The following GABPA variants were observed in gnomAD, a reference collection of about 807,000 sequenced individuals.
The protein encoded by GABPA is GA binding protein transcription factor subunit alpha, also known as GA-binding protein alpha chain.
In GABPA, 4 loss-of-function variants were observed where a neutral mutation model predicts 59.4. That is an observed-to-expected ratio of 0.07 (90% CI 0.03 to 0.15). The LOEUF (loss-of-function observed/expected upper bound fraction) is 0.15, where lower values mean the gene tolerates loss of function less well. Ranked by LOEUF, GABPA falls within the 10% of genes least tolerant of loss-of-function variation. The probability of loss-of-function intolerance (pLI) is 1.00; values close to 1 mark genes in which losing one functional copy is unlikely to be tolerated. For missense variants in GABPA, 251 were observed against 543.8 expected (o/e 0.46, Z 5.36); for synonymous variants, 164 against 183.1 (o/e 0.90, Z 0.84).
At position 25,761,842 on chromosome 21, in the gene GABPA, C is replaced by T. The variant is rs559455324; in HGVS notation, c.749-470C>T. ...TACAATTGTGTTGAAAATTTGCTGT[C>T]TTTAAGTAGAAGCATTATAAAGCTT... is the stretch of plus-strand genomic sequence containing the variant. On this transcript the variant is annotated intron_variant, in intron 6 of 9. Transcript: ENST00000400075. 3.3e-5 allele frequency among the ~76,000 whole-genome samples: 5 copies of T among 152,198 alleles called. No homozygotes were observed. In the East Asian group the frequency reaches 7.7e-4, roughly 23 times the overall value.
chr21:25,742,383 G>A (rs2035244404), intron 2 of GABPA, among the ~76,000 whole-genome samples: 1 of 152,002 alleles, frequency 6.6e-6, no homozygotes, highest in Admixed American at 6.6e-5. Flanking sequence ...AGAGATCTCT[G>A]TGGAGTAACA....
intron 5 of GABPA, among the ~76,000 whole-genome samples, chr21:25,755,453 A>G (rs7276181): frequency 0.077 from 11,226 of 145,196 alleles, 518 homozygotes; most frequent in Middle Eastern, 0.14. Flanking sequence ...AAAAAAAAAA[A>G]GGGCAAAGAA....
At chr21:25,764,942 C>G (rs2035854972) in intron 9 of GABPA, among the ~76,000 whole-genome samples, 155 bp downstream of exon 9, 2 of 148,536 alleles carry the variant, frequency 1.3e-5, no homozygotes, top group Non-Finnish European at 3.0e-5. Context: ...TTAAAAAGAT[C>G]TTAATAATTT....
intron 3 of GABPA, among the ~76,000 whole-genome samples, chr21:25,746,169 C>T (rs2035358553): frequency 6.6e-6 from 1 of 151,952 alleles, no homozygotes; most frequent in African/African-American, 2.4e-5. Flanking sequence ...CCGATGCTTC[C>T]ACACCTGGCT....
rs74859926 is a variant in GABPA, at chr21:25,748,444, T to G, written c.223-592T>G. On this transcript the variant is annotated intron_variant, in intron 3 of 9. Coordinates refer to ENST00000400075, the MANE Select transcript of GABPA (RefSeq NM_002040.4). ...GTTTTATCATCAATTTGCCATAGTG[T>G]GAAATGCATTCTATAAGGATATATG... 2.4e-4 allele frequency among the ~76,000 whole-genome samples: 36 copies of G among 152,308 alleles called. 1 individual carries two copies. In the East Asian group the frequency reaches 6.7e-3, roughly 29 times the overall value.
chr21:25,770,503 T>G lies in GABPA; in HGVS notation c.*1271T>G, dbSNP rs1490769844. On this transcript the variant is annotated 3_prime_UTR_variant, in exon 10 of 10. Coordinates refer to ENST00000400075, the MANE Select transcript of GABPA (RefSeq NM_002040.4). ...AATGTCTTTTTCTTTCTTTTCTCTC[T>G]TTGTTGTTTAAGGTATTAAGCACGA... The G allele has an allele frequency of 6.6e-6, 1 of 152,154 alleles. No individual in the cohort carries two copies. Among genetic ancestry groups the G allele is most frequent in the African/African-American group, 2.4e-5 (1 of 41,468 alleles). 9.4% of individuals were successfully genotyped at this position (152,154 alleles called of 1,614,324 possible). A position where few individuals can be genotyped will look rare whatever the true frequency, so the allele number is the denominator to read the frequency against.
chr21:25,752,487 G>C, intron 5 of GABPA: 1 of 427,488 alleles, frequency 2.3e-6, no homozygotes, highest in Non-Finnish European at 4.2e-6. Context: ...TGAAGAGAGA[G>C]AAGATAGATG....
chr21:25,756,745 T>C (rs2035646940), intron 5 of GABPA, among the ~76,000 whole-genome samples: 1 of 152,238 alleles, frequency 6.6e-6, no homozygotes, highest in South Asian at 2.1e-4. Context: ...TTGAGGTCCA[T>C]GAAGATATCT....
chr21:25,752,265 GAAT>G, intron 5 of GABPA, 31 bp downstream of exon 5: 1 of 1,601,966 alleles, frequency 6.2e-7, no homozygotes, highest in Admixed American at 1.7e-5. Context: ...ATATTGGGTA[GAAT>G]AATAGGAATT....
chr21:25,768,991 TCTC>T lies in GABPA; in HGVS notation c.1137-12_1137-10del. The T allele has an allele frequency of 1.3e-6, 2 of 1,563,650 alleles. No individual in the cohort carries two copies. Among genetic ancestry groups the T allele is most frequent in the South Asian group, 1.2e-5 (1 of 86,318 alleles). ...TTTTCTGAAGTCTCTAATTTTTTTTTCTCTTTTTGAAGATATTATTACGATGGG... is the reference window on the plus strand; with the variant it reads ...TTTTCTGAAGTCTCTAATTTTTTTTTTTTTTGAAGATATTATTACGATGGG... On this transcript the variant is annotated splice_polypyrimidine_tract_variant and intron_variant, in intron 9 of 9. Transcript: ENST00000400075.
chr21:25,771,264 G>A lies in GABPA; in HGVS notation c.*2032G>A. 6.6e-6 allele frequency: 1 copy of A among 151,876 alleles called. No individual in the cohort carries two copies. Among genetic ancestry groups the A allele is most frequent in the Non-Finnish European group, 1.5e-5 (1 of 67,850 alleles). The allele number at this position is 151,876 out of a possible 1,614,324, so 9.4% of individuals were successfully genotyped here. ...ACATGTCTCAATTATATATGTGTGT[G>A]TATGTTTTTAAAGCTAAAAACATTA... On this transcript the variant is annotated 3_prime_UTR_variant, in exon 10 of 10. Transcript: ENST00000400075.
chr21:25,760,492 C>T (rs1475418546), intron 6 of GABPA, among the ~76,000 whole-genome samples: 1 of 152,014 alleles, frequency 6.6e-6, no homozygotes, highest in Non-Finnish European at 1.5e-5. Context: ...GATTATTCAC[C>T]TGAGCCACCA....
At chr21:25,764,905 T>C (rs958922625) in intron 9 of GABPA, 118 bp downstream of exon 9, 12 of 697,490 alleles carry the variant, frequency 1.7e-5, no homozygotes, top group African/African-American at 3.8e-5. Context: ...TGTTTATGTT[T>C]TTTTCTTTAC....
chr21:25,745,161 A>T lies in GABPA; in HGVS notation c.78-49A>T, dbSNP rs1483709143. 2.5e-6 allele frequency: 4 copies of T among 1,593,610 alleles called. No individual in the cohort carries two copies. In the South Asian group the frequency reaches 4.5e-5, roughly 18 times the overall value. ...GTTTTTAGCATATTGTTGCTTTGAA[A>T]TCCAGGGTAAAAAATGTAACTGTTA... On this transcript the variant is annotated intron_variant, in intron 2 of 9. Coordinates refer to ENST00000400075, the MANE Select transcript of GABPA (RefSeq NM_002040.4).
At position 25,764,909 on chromosome 21, in the gene GABPA, TC is replaced by T. The variant is rs200563068; in HGVS notation, c.1136+123del. 1.6e-3 allele frequency: 998 copies of T among 637,884 alleles called. 5 individuals carry two copies. In the African/African-American group the frequency reaches 0.018, roughly 11 times the overall value. The allele number at this position is 637,884 out of a possible 1,614,324, so 39.5% of individuals were successfully genotyped here. The stretch of plus-strand genomic sequence containing the variant: ...TATTAAAAACTTGTTTATGTTTTTT[TC>T]TTTACATATTAAAAAACCTTTTTAA... On this transcript the variant is annotated intron_variant, in intron 9 of 9. Coordinates refer to ENST00000400075, the MANE Select transcript of GABPA (RefSeq NM_002040.4).
intron 6 of GABPA, 53 bp downstream of exon 6, chr21:25,758,257 C>T: frequency 4.7e-6 from 6 of 1,285,874 alleles, no homozygotes; most frequent in Non-Finnish European, 6.4e-6. Context: ...AATTTTATTT[C>T]CTTGTAACTT....
rs2034993068 is a variant in GABPA at position 25,735,229 on chromosome 21, C to T, written c.-376C>T. On this transcript the variant is annotated 5_prime_UTR_variant, in exon 1 of 10. Coordinates refer to ENST00000400075, the MANE Select transcript of GABPA (RefSeq NM_002040.4). ...CTCCCCTCCGAGTCAGCGTCCTGTT[C>T]GTTAGGGTTATCGAAGTGTATAAAG... The T allele has an allele frequency of 5.2e-6, 3 of 581,170 alleles. No homozygotes were observed. The highest frequency in any genetic ancestry group is 6.2e-6 in the Non-Finnish European group (2 of 323,218). 36.0% of individuals were successfully genotyped at this position (581,170 alleles called of 1,614,324 possible). A position where few individuals can be genotyped will look rare whatever the true frequency, so the allele number is the denominator to read the frequency against.
intron 1 of GABPA, among the ~76,000 whole-genome samples, chr21:25,737,015 A>C (rs1432652887): frequency 6.6e-6 from 1 of 152,228 alleles, no homozygotes; most frequent in African/African-American, 2.4e-5. Context: ...TCTCCAATGA[A>C]GGACAATTCT....
chr21:25,764,805 T>C lies in GABPA; in HGVS notation c.1136+18T>C, dbSNP rs775346918. 13 of 1,498,662 alleles carry C rather than the reference T, an allele frequency of 8.7e-6. No homozygotes were observed. Among genetic ancestry groups the C allele is most frequent in the Middle Eastern group, 1.8e-4 (1 of 5,666 alleles). 92.8% of individuals were successfully genotyped at this position (1,498,662 alleles called of 1,614,324 possible). On this transcript the variant is annotated intron_variant, in intron 9 of 9. Transcript: ENST00000400075. ...GCATTAAGGTAAGCCTTTATTACTT[T>C]TTTTTCTGTTATCAAAAATAGAAAC...
Sources: allele counts gnomAD v4.1 joint callset (sites outside exome capture counted in the v4.1 genomes callset), GRCh38; gene constraint gnomAD v4.1.1; transcripts MANE v1.5; gene names NCBI Gene and HGNC (gene_info 2026-07-23, HGNC 2026-07-21).